The following TENM2 variants were observed in gnomAD, a reference collection of about 807,000 sequenced individuals.
TENM2 encodes the protein teneurin transmembrane protein 2.
Under a neutral mutation model 245.2 loss-of-function variants are expected in TENM2, and 52 were observed. That is an observed-to-expected ratio of 0.21 (90% CI 0.17 to 0.27). The LOEUF is 0.27. Ranked by LOEUF, TENM2 falls within the 10% of genes least tolerant of loss-of-function variation. The pLI, the probability that TENM2 is intolerant of heterozygous loss-of-function variation, is 1.00. For missense variants in TENM2, 3,046 were observed against 3,666.8 expected, an observed-to-expected ratio of 0.83 and a Z score of 4.37; for synonymous variants, 1,363 against 1,438.9, an observed-to-expected ratio of 0.95 and a Z score of 1.19.
At chr5:168,007,082 C>G (rs996835352) in intron 5 of TENM2, among the ~76,000 whole-genome samples, 1 of 152,154 alleles carries the variant, frequency 6.6e-6, no homozygotes, top group Admixed American at 6.5e-5. Context: ...TTTTTCCCAA[C>G]TCAGGAACTC....
At chr5:167,980,183 A>G (rs1782729526) in intron 4 of TENM2, among the ~76,000 whole-genome samples, 1 of 152,180 alleles carries the variant, frequency 6.6e-6, no homozygotes, top group South Asian at 2.1e-4. Context: ...CAAGGAATGA[A>G]GGAGATAGCT....
Position 167,582,761 on chromosome 5 carries a change from A to AT in TENM2, c.502+207297dup, listed in dbSNP as rs559599913. Among the ~76,000 whole-genome samples the AT allele has an allele frequency of 4.0e-3, 603 of 151,622 alleles. 2 individuals are homozygous for AT. The highest frequency in any genetic ancestry group is 6.1e-3 in the Non-Finnish European group (414 of 67,842). On this transcript the variant is annotated intron_variant, in intron 2 of 28. Transcript: ENST00000518659. ...TGATTCTCCAGAAGCTTTTTTGAGG[A>AT]TTTTTTTTTAAATGTTACCAGAACA...
intron 4 of TENM2, among the ~76,000 whole-genome samples, chr5:167,979,913 G>GA (rs1223963559): frequency 6.6e-6 from 1 of 152,150 alleles, no homozygotes; most frequent in East Asian, 1.9e-4. Flanking sequence ...ACACTACCGG[G>GA]AAAATAAATA....
intron 2 of TENM2, among the ~76,000 whole-genome samples, chr5:167,411,428 G>T (rs1311046845): frequency 6.6e-6 from 1 of 151,918 alleles, no homozygotes; most frequent in Non-Finnish European, 1.5e-5. Context: ...TGTGGAGTAC[G>T]CTGAGTCTTT....
chr5:167,989,268 A>AAGAGAG (rs10617322), intron 4 of TENM2, among the ~76,000 whole-genome samples: 580 of 144,998 alleles, frequency 4.0e-3, no homozygotes, highest in African/African-American at 5.5e-3. Context: ...AAGATAGAGA[A>AAGAGAG]AGAGAGAGAG....
chr5:168,249,838 A>C (rs2152696541), intron 27 of TENM2, among the ~76,000 whole-genome samples: 1 of 152,260 alleles, frequency 6.6e-6, no homozygotes, highest in Non-Finnish European at 1.5e-5. Context: ...CAGCCTGCGC[A>C]CAGAGTGAGA....
At chr5:167,712,685 T>C (rs1391583148) in intron 2 of TENM2, among the ~76,000 whole-genome samples, 1 of 152,138 alleles carries the variant, frequency 6.6e-6, no homozygotes, top group Non-Finnish European at 1.5e-5. Flanking sequence ...AAGGTTGAAA[T>C]ATCAAAAGGA....
At chr5:167,331,715 A>G (rs1757470739) in intron 1 of TENM2, among the ~76,000 whole-genome samples, 1 of 152,228 alleles carries the variant, frequency 6.6e-6, no homozygotes, top group Non-Finnish European at 1.5e-5. Flanking sequence ...AAGTGGTAAA[A>G]GTGAGACCCA....
rs1020827427 is a variant in TENM2 at position 168,103,267 on chromosome 5, CAG to C, written c.1813+5143_1813+5144del. 2.0e-5 allele frequency among the ~76,000 whole-genome samples: 3 copies of C among 152,192 alleles called. No individual in the cohort carries two copies. The East Asian group carries it at 5.8e-4, about 29-fold the overall frequency. The stretch of plus-strand genomic sequence containing the variant: ...GCAGACAAGCTGCACAGATAGAACA[CAG>C]AGTTTCCATACAGAGCGCACCCAGC... On this transcript the variant is annotated intron_variant, in intron 9 of 28. Coordinates refer to ENST00000518659, the Ensembl canonical transcript of TENM2.
chr5:167,110,913 G>A, the TENM2 span, among the ~76,000 whole-genome samples: 3 of 152,160 alleles, frequency 2.0e-5, no homozygotes, highest in African/African-American at 4.8e-5. Context: ...GAAAAAGACA[G>A]AAATGTGATA....
chr5:167,673,846 A>G (rs1756130314), intron 2 of TENM2, among the ~76,000 whole-genome samples: 2 of 151,992 alleles, frequency 1.3e-5, no homozygotes, highest in African/African-American at 4.8e-5. Flanking sequence ...CTTGACAACT[A>G]ATGAATAAAA....
chr5:167,395,032 A>G (rs1303216066), intron 2 of TENM2, among the ~76,000 whole-genome samples: 2 of 152,130 alleles, frequency 1.3e-5, no homozygotes, highest in East Asian at 3.9e-4. Context: ...AAAAAATGTC[A>G]TTGGAATTTT....
chr5:168,159,848 G>A (rs1757583370), intron 12 of TENM2, among the ~76,000 whole-genome samples: 1 of 152,200 alleles, frequency 6.6e-6, no homozygotes, highest in African/African-American at 2.4e-5. Context: ...GAGGAAGCAA[G>A]AGAGGAAGAG....
intron 1 of TENM2, among the ~76,000 whole-genome samples, chr5:167,374,041 G>A (rs1046656017): frequency 2.0e-5 from 3 of 152,188 alleles, no homozygotes; most frequent in African/African-American, 7.2e-5. Flanking sequence ...TGTTAGCAAA[G>A]AGAGATTCTT....
chr5:167,990,068 A>G (rs1435048516), intron 4 of TENM2, among the ~76,000 whole-genome samples: 1 of 152,194 alleles, frequency 6.6e-6, no homozygotes, highest in African/African-American at 2.4e-5. Flanking sequence ...ACTCCTTACA[A>G]TGCCTTTACG....
At chr5:167,993,478 C>G (rs1054344194) in intron 5 of TENM2, among the ~76,000 whole-genome samples, 1 of 152,242 alleles carries the variant, frequency 6.6e-6, no homozygotes, top group Admixed American at 6.5e-5. Context: ...ACCTATCCCT[C>G]ACTCTCAGAG....
chr5:167,874,576 C>T (rs1773261181), intron 2 of TENM2, among the ~76,000 whole-genome samples: 1 of 152,160 alleles, frequency 6.6e-6, no homozygotes, highest in Non-Finnish European at 1.5e-5. Context: ...CTTCCACACC[C>T]CCAGATTTAG....
At chr5:167,028,206 C>T in the TENM2 span, among the ~76,000 whole-genome samples, 21 of 152,066 alleles carry the variant, frequency 1.4e-4, no homozygotes, top group Non-Finnish European at 2.9e-4. Context: ...TTTATGGTGG[C>T]CCAAGAACGT....
chr5:168,045,044 A>G (rs1788497887), intron 5 of TENM2, among the ~76,000 whole-genome samples: 1 of 152,184 alleles, frequency 6.6e-6, no homozygotes, highest in Non-Finnish European at 1.5e-5. Context: ...TCAGTTCAAC[A>G]ACAGAAAATA....
Sources: gnomAD v4.1 joint callset for allele counts (sites outside exome capture counted in the v4.1 genomes callset) on GRCh38, gnomAD v4.1.1 for gene constraint, MANE v1.5 for transcripts, NCBI Gene and HGNC (gene_info 2026-07-23, HGNC 2026-07-21) for gene names.